Variants in TRPC5 observed in about 807,000 individuals in gnomAD.
The protein encoded by TRPC5 is short transient receptor potential channel 5.
Under a neutral mutation model 56.5 loss-of-function variants are expected in TRPC5, and 9 were observed. The observed-to-expected ratio is 0.16, with a 90% confidence interval of 0.10 to 0.28. The LOEUF (loss-of-function observed/expected upper bound fraction) is 0.28, where lower values mean the gene tolerates loss of function less well. Ranked by LOEUF, TRPC5 falls within the 10% of genes least tolerant of loss-of-function variation. TRPC5 has a pLI of 1.00. For synonymous variants in TRPC5, 282 were observed against 278.5 expected (o/e 1.01, Z -0.13); for missense variants, 469 against 748.9 (o/e 0.63, Z 4.36).
At chrX:111,908,236 G>T (rs1925694251) in intron 3 of TRPC5, among the ~76,000 whole-genome samples, 1 of 111,529 alleles carries the variant, frequency 9.0e-6, no homozygotes, top group Non-Finnish European at 1.9e-5. Flanking sequence ...GGGATTTATA[G>T]AGTTTGATGA....
chrX:111,779,069 A>C lies in TRPC5; in HGVS notation c.2148T>G (p.Val716=). Residue 716 remains valine (V), a synonymous_variant, in exon 10 of 11, where the codon GTT becomes GTG. Coordinates refer to ENST00000262839, the MANE Select transcript of TRPC5 (RefSeq NM_012471.3). ...SLIQNQHYQE[V]IRNLVKRYVA... Reference sequence around the variant, plus strand: ...CATATCTTTTGACTAAATTCCTGATAACTTCCTGGAATTACAAAACATGAA... The same window carrying C: ...CATATCTTTTGACTAAATTCCTGATCACTTCCTGGAATTACAAAACATGAA... 8.4e-7 allele frequency: 1 copy of C among 1,189,623 alleles called. No homozygotes were observed. Among genetic ancestry groups the C allele is most frequent in the Non-Finnish European group, 1.1e-6 (1 of 880,326 alleles).
intron 3 of TRPC5, among the ~76,000 whole-genome samples, chrX:111,854,472 T>C (rs778069952): frequency 1.8e-5 from 2 of 111,793 alleles, no homozygotes; most frequent in South Asian, 7.6e-4. Flanking sequence ...AATCCCCAGG[T>C]CCTTCCACAG....
chrX:111,913,539 T>C (rs781071874), intron 2 of TRPC5, among the ~76,000 whole-genome samples: 5 of 111,477 alleles, frequency 4.5e-5, no homozygotes, highest in Admixed American at 9.5e-5. Flanking sequence ...AAAACTGCTA[T>C]GTCCATGATG....
chrX:111,771,105 T>C lies in TRPC5; in HGVS notation c.*5208A>G, dbSNP rs1945841021. Among the ~76,000 whole-genome samples the C allele has an allele frequency of 9.0e-6, 1 of 111,462 alleles. No individual in the cohort carries two copies. The highest frequency in any genetic ancestry group is 1.9e-5 in the Non-Finnish European group (1 of 53,057). On this transcript the variant is annotated 3_prime_UTR_variant, in exon 11 of 11. Transcript: ENST00000262839. ...CAAGTCACTGGAGTTATAAAGAAAGTTCTTTGAGGGGGAGGAGGGTAGGAC... is the reference window on the plus strand; with the variant it reads ...CAAGTCACTGGAGTTATAAAGAAAGCTCTTTGAGGGGGAGGAGGGTAGGAC...
chrX:111,798,078 AAT>A (rs747506309), intron 7 of TRPC5, among the ~76,000 whole-genome samples: 15 of 111,834 alleles, frequency 1.3e-4, no homozygotes, highest in Non-Finnish European at 2.6e-4. Flanking sequence ...GAATGCATAA[AAT>A]ATGTGTTGAT....
At chrX:111,783,829 C>G (rs1316868168) in intron 7 of TRPC5, among the ~76,000 whole-genome samples, 1 of 111,250 alleles carries the variant, frequency 9.0e-6, no homozygotes, top group Admixed American at 9.6e-5. Flanking sequence ...TCTGTCATGT[C>G]CAGGAACTCT....
intron 2 of TRPC5, among the ~76,000 whole-genome samples, chrX:111,942,307 T>C (rs978663907): frequency 1.8e-5 from 2 of 112,369 alleles, no homozygotes; most frequent in Non-Finnish European, 3.8e-5. Flanking sequence ...TGATTAGTAG[T>C]CAAAAATACT....
At chrX:111,811,821 A>G (rs907251673) in intron 7 of TRPC5, among the ~76,000 whole-genome samples, 1 of 111,502 alleles carries the variant, frequency 9.0e-6, no homozygotes, top group Non-Finnish European at 1.9e-5. Context: ...CTTCCCCTGT[A>G]CTTCTGAACA....
intron 3 of TRPC5, among the ~76,000 whole-genome samples, chrX:111,900,126 G>A (rs774635808): frequency 8.9e-6 from 1 of 111,962 alleles, no homozygotes; most frequent in African/African-American, 3.2e-5. Context: ...AGACCATCTG[G>A]CTGATGATTT....
At chrX:112,079,207 A>T (rs1930906207) in intron 1 of TRPC5, among the ~76,000 whole-genome samples, 1 of 112,146 alleles carries the variant, frequency 8.9e-6, no homozygotes, top group South Asian at 3.7e-4. Context: ...CCTTTGGCAG[A>T]AGTAAAGCAG....
At chrX:111,950,635 T>C (rs756572886) in intron 2 of TRPC5, among the ~76,000 whole-genome samples, 64 of 111,878 alleles carry the variant, frequency 5.7e-4, no homozygotes, top group Non-Finnish European at 9.8e-4. Context: ...AACCAAACAC[T>C]ACCTGCTCTG....
intron 1 of TRPC5, among the ~76,000 whole-genome samples, chrX:112,005,157 G>T (rs1201111204): frequency 9.0e-6 from 1 of 111,162 alleles, no homozygotes; most frequent in Non-Finnish European, 1.9e-5. Context: ...CATGTCCTTT[G>T]CAGGGACATG....
intron 3 of TRPC5, among the ~76,000 whole-genome samples, chrX:111,871,823 C>A (rs1177276108): frequency 9.0e-6 from 1 of 111,597 alleles, no homozygotes; most frequent in African/African-American, 3.3e-5. Flanking sequence ...TGAATTTGAT[C>A]CCCAGTGTGG....
At chrX:111,784,980 T>C (rs1476576684) in intron 7 of TRPC5, among the ~76,000 whole-genome samples, 1 of 112,342 alleles carries the variant, frequency 8.9e-6, no homozygotes, top group East Asian at 2.8e-4. Flanking sequence ...TCCACCTCTG[T>C]GGGCAGGGCA....
intron 3 of TRPC5, among the ~76,000 whole-genome samples, chrX:111,860,026 G>A (rs773562070): frequency 5.3e-5 from 6 of 112,391 alleles, no homozygotes; most frequent in South Asian, 3.7e-4. Context: ...CTCCTGCCTC[G>A]GCCTCCCGAG....
At chrX:112,029,185 T>C (rs1289001198) in intron 1 of TRPC5, among the ~76,000 whole-genome samples, 1 of 109,248 alleles carries the variant, frequency 9.2e-6, no homozygotes, top group African/African-American at 3.3e-5. Context: ...CTACTCTCTA[T>C]GTCTGTGAGT....
chrX:111,989,272 T>C (rs1439489021), intron 1 of TRPC5, among the ~76,000 whole-genome samples: 2 of 111,752 alleles, frequency 1.8e-5, no homozygotes, highest in African/African-American at 6.5e-5. Context: ...TCAGACCCCA[T>C]GAGCAAAGTT....
At chrX:112,064,671 A>G (rs1930536970) in intron 1 of TRPC5, among the ~76,000 whole-genome samples, 1 of 112,283 alleles carries the variant, frequency 8.9e-6, no homozygotes, top group African/African-American at 3.2e-5. Context: ...TCTCTACTGA[A>G]AAGTTTAGGA....
In TRPC5 at chrX:111,966,589, T is replaced by C. The variant is rs759914414; in HGVS notation, c.-21-14148A>G. On this transcript the variant is annotated intron_variant, in intron 1 of 10. Transcript: ENST00000262839. ...GATGCAAAAATCCTCAATAAAATAC[T>C]GGCAAACCGAATCCAGCAGCACATC... Among the ~76,000 whole-genome samples, 1,069 of 108,837 alleles carry C rather than the reference T, an allele frequency of 9.8e-3. 9 individuals carry two copies. Among genetic ancestry groups the C allele is most frequent in the Non-Finnish European group, 0.014 (730 of 52,026 alleles). 94.5% of individuals were successfully genotyped at this position (108,837 alleles called of 115,157 possible).
Sources: gnomAD v4.1 joint callset for allele counts (sites outside exome capture counted in the v4.1 genomes callset) on GRCh38, gnomAD v4.1.1 for gene constraint, MANE v1.5 for transcripts, NCBI Gene and HGNC (gene_info 2026-07-23, HGNC 2026-07-21) for gene names.